Variants in TBL1XR1 observed in about 807,000 individuals in gnomAD.
The protein encoded by TBL1XR1 is TBL1X/Y related 1, also known as F-box-like/WD repeat-containing protein TBL1XR1.
In TBL1XR1, 5 loss-of-function variants were observed where a neutral mutation model predicts 66.9. That is an observed-to-expected ratio of 0.07 (90% confidence interval 0.04 to 0.16). TBL1XR1 has a LOEUF of 0.16. Among genes scored for constraint, TBL1XR1 ranks in the 10% least tolerant of loss-of-function variants. The pLI, the probability that TBL1XR1 is intolerant of heterozygous loss-of-function variation, is 1.00. For synonymous variants in TBL1XR1, 210 were observed against 206.0 expected (o/e 1.02, Z -0.17); for missense variants, 238 against 623.2 (o/e 0.38, Z 6.58).
intron 14 of TBL1XR1, 40 bp from the exon 15 acceptor site, chr3:177,026,514 A>T (rs904665206): frequency 7.2e-6 from 10 of 1,392,004 alleles, no homozygotes; most frequent in Non-Finnish European, 9.7e-6. Flanking sequence ...ATCGTAATAC[A>T]TATTATAATA....
At position 177,093,620 on chromosome 3, in the gene TBL1XR1, T is replaced by C. The variant is rs546833096; in HGVS notation, c.-46+4846A>G. On this transcript the variant is annotated intron_variant, in intron 2 of 15. Coordinates refer to ENST00000457928, the MANE Select transcript of TBL1XR1 (RefSeq NM_024665.7). ...AAACAGCATGATACTGGTATAAAAA[T>C]AGGCACATAGGCCAATGGAACAGAA... Among the ~76,000 whole-genome samples, 71 of 152,182 alleles carry C rather than the reference T, an allele frequency of 4.7e-4. No homozygotes were observed. The South Asian group carries it at 0.013, about 28-fold the overall frequency.
At chr3:177,112,911 G>A (rs1725831076) in intron 1 of TBL1XR1, among the ~76,000 whole-genome samples, 3 of 152,078 alleles carry the variant, frequency 2.0e-5, no homozygotes, top group Admixed American at 2.0e-4. Context: ...GCTGAGGCAG[G>A]AGAATCGCTT....
chr3:177,150,608 G>C lies in TBL1XR1; in HGVS notation c.-122+46513C>G, dbSNP rs370550223. ...AGGTACTGTTTTTCCATGTCACATAGTTTGATGTTGTAGAATGTTTCTTAC... is the reference window on the plus strand; with the variant it reads ...AGGTACTGTTTTTCCATGTCACATACTTTGATGTTGTAGAATGTTTCTTAC... On this transcript the variant is annotated intron_variant, in intron 1 of 15. Coordinates refer to ENST00000457928, the MANE Select transcript of TBL1XR1 (RefSeq NM_024665.7). 9.2e-5 allele frequency among the ~76,000 whole-genome samples: 14 copies of C among 152,292 alleles called. No homozygotes were observed. In the East Asian group the frequency reaches 2.5e-3, roughly 27 times the overall value.
chr3:177,032,673 T>C (rs1399033180), intron 14 of TBL1XR1: 3 of 207,944 alleles, frequency 1.4e-5, no homozygotes, highest in Non-Finnish European at 2.9e-5. Flanking sequence ...TTTTGAAAAA[T>C]AAAATCTGTC....
At chr3:177,141,373 C>T (rs1252543108) in intron 1 of TBL1XR1, among the ~76,000 whole-genome samples, 1 of 151,966 alleles carries the variant, frequency 6.6e-6, no homozygotes, top group Non-Finnish European at 1.5e-5. Flanking sequence ...AGTCAGAATA[C>T]CAAGTAGAAG....
intron 2 of TBL1XR1, among the ~76,000 whole-genome samples, chr3:177,073,842 G>A (rs1470148190): frequency 6.6e-6 from 1 of 152,140 alleles, no homozygotes; most frequent in Non-Finnish European, 1.5e-5. Context: ...GATTCAGCAC[G>A]TTTTTGTTTG....
intron 1 of TBL1XR1, among the ~76,000 whole-genome samples, chr3:177,164,738 A>G (rs980701941): frequency 1.3e-5 from 2 of 152,216 alleles, no homozygotes; most frequent in Non-Finnish European, 2.9e-5. Flanking sequence ...GAATATTGTT[A>G]AAATGTCCAT....
At chr3:177,028,751 A>G (rs1056693513) in intron 14 of TBL1XR1, among the ~76,000 whole-genome samples, 1 of 152,246 alleles carries the variant, frequency 6.6e-6, no homozygotes, top group Non-Finnish European at 1.5e-5. Flanking sequence ...ATGGATGACT[A>G]AAGTGGCAAG....
rs530489431 is a variant in TBL1XR1 at position 177,131,494 on chromosome 3, T to C, written c.-121-32953A>G. The C allele has an allele frequency of 1.3e-5, 8 of 595,744 alleles. No individual in the cohort carries two copies. The South Asian group carries it at 3.7e-4, about 27-fold the overall frequency. The allele number at this position is 595,744 out of a possible 1,614,324, so 36.9% of individuals were successfully genotyped here. ...AAAAAAACTAAATTAAAAAAACACA[T>C]TGTCATTCTGAATATCTTTTTTTTT... On this transcript the variant is annotated intron_variant, in intron 1 of 15. Coordinates refer to ENST00000457928, the MANE Select transcript of TBL1XR1 (RefSeq NM_024665.7).
At chr3:177,115,824 G>A (rs1476502181) in intron 1 of TBL1XR1, among the ~76,000 whole-genome samples, 1 of 152,064 alleles carries the variant, frequency 6.6e-6, no homozygotes, top group African/African-American at 2.4e-5. Context: ...CAGCCTCCTT[G>A]CTAACATAAT....
chr3:177,048,425 T>C lies in TBL1XR1; in HGVS notation c.703-876A>G, dbSNP rs558815503. Among the ~76,000 whole-genome samples the C allele has an allele frequency of 1.1e-4, 17 of 152,280 alleles. 2 individuals carry two copies. The South Asian group carries it at 3.5e-3, about 32-fold the overall frequency. ...TTTGGTAAGGGCATTCAAAACAAGATCACCTATTTCACATCTCTCAAGCCA... is the reference window on the plus strand; with the variant it reads ...TTTGGTAAGGGCATTCAAAACAAGACCACCTATTTCACATCTCTCAAGCCA... On this transcript the variant is annotated intron_variant, in intron 7 of 15. Transcript: ENST00000457928.
intron 2 of TBL1XR1, among the ~76,000 whole-genome samples, chr3:177,067,393 A>G (rs865974917): frequency 6.6e-6 from 1 of 152,204 alleles, no homozygotes; most frequent in Admixed American, 6.5e-5. Context: ...AACTTGGATG[A>G]AAGTATCCAA....
chr3:177,181,815 A>G (rs922351450), intron 1 of TBL1XR1, among the ~76,000 whole-genome samples: 1 of 117,430 alleles, frequency 8.5e-6, no homozygotes, highest in Non-Finnish European at 2.0e-5. Context: ...GTAAGGGTTC[A>G]AGTTAGGAAA....
intron 1 of TBL1XR1, among the ~76,000 whole-genome samples, chr3:177,193,653 T>C (rs569609141): frequency 2.0e-5 from 3 of 152,314 alleles, no homozygotes; most frequent in African/African-American, 4.8e-5. Flanking sequence ...AGCACAATGA[T>C]ATGAGTTCTA....
intron 14 of TBL1XR1, chr3:177,032,735 C>T (rs897073144): frequency 6.1e-6 from 2 of 328,372 alleles, no homozygotes; most frequent in Non-Finnish European, 5.5e-6. Context: ...TCTGCAAAAC[C>T]GTTGGAAAAA....
intron 1 of TBL1XR1, among the ~76,000 whole-genome samples, chr3:177,131,651 A>G (rs1728307475): frequency 6.6e-6 from 1 of 151,662 alleles, no homozygotes; most frequent in African/African-American, 2.4e-5. Context: ...ACAGGCATGT[A>G]CCACCATGCC....
chr3:177,189,243 T>C (rs184183903), intron 1 of TBL1XR1, among the ~76,000 whole-genome samples: 3 of 151,804 alleles, frequency 2.0e-5, no homozygotes, highest in African/African-American at 7.3e-5. Flanking sequence ...TCAGGCCAGG[T>C]GTGGTGGCTC....
chr3:177,182,888 T>C (rs535241017), intron 1 of TBL1XR1, among the ~76,000 whole-genome samples: 2 of 152,328 alleles, frequency 1.3e-5, no homozygotes, highest in African/African-American at 2.4e-5. Context: ...TAAGAAACTT[T>C]ATATAATGGT....
intron 1 of TBL1XR1, chr3:177,120,781 T>C (rs1726893329): frequency 1.3e-5 from 2 of 152,384 alleles, no homozygotes; most frequent in Non-Finnish European, 2.9e-5. Context: ...TTGAGTTAAC[T>C]CACTACCTTC....
Sources: gnomAD v4.1 joint callset for allele counts (sites outside exome capture counted in the v4.1 genomes callset) on GRCh38, gnomAD v4.1.1 for gene constraint, MANE v1.5 for transcripts, NCBI Gene and HGNC (gene_info 2026-07-23, HGNC 2026-07-21) for gene names.